The following XRN2 variants were observed in gnomAD, a reference collection of about 807,000 sequenced individuals.
XRN2 encodes the protein DHM1-like protein.
Under a neutral mutation model 138.5 loss-of-function variants are expected in XRN2, and 44 were observed. The ratio of observed to expected loss-of-function variants is 0.32; its 90% CI spans 0.25 to 0.41. XRN2 has a LOEUF of 0.41. Ranked by LOEUF, XRN2 falls within the 10% of genes least tolerant of loss-of-function variation. The pLI is 1.00. For synonymous variants in XRN2, 354 were observed against 369.4 expected, an observed-to-expected ratio of 0.96 and a Z score of 0.48; for missense variants, 937 against 1,169.3, an observed-to-expected ratio of 0.80 and a Z score of 2.90.
chr20:21,364,829 G>A (rs893341654), intron 24 of XRN2, among the ~76,000 whole-genome samples: 4 of 149,438 alleles, frequency 2.7e-5, no homozygotes, highest in East Asian at 2.0e-4. Flanking sequence ...AAGCATATTT[G>A]TGTAGTTTTC....
intron 4 of XRN2, among the ~76,000 whole-genome samples, chr20:21,329,499 T>G (rs1390798341): frequency 1.3e-5 from 2 of 152,208 alleles, no homozygotes; most frequent in Non-Finnish European, 2.9e-5. Context: ...TGCCATAGTA[T>G]AGCCAGCTCA....
chr20:21,377,008 A>G (rs907092320), intron 27 of XRN2, among the ~76,000 whole-genome samples: 2 of 151,682 alleles, frequency 1.3e-5, no homozygotes, highest in Admixed American at 6.5e-5. Flanking sequence ...ATGGATTTCG[A>G]TTGCTCTTGG....
chr20:21,358,950 C>T (rs6137327), intron 24 of XRN2, among the ~76,000 whole-genome samples: 59 of 152,278 alleles, frequency 3.9e-4, no homozygotes, highest in African/African-American at 1.3e-3. Flanking sequence ...AAAGCATTGG[C>T]GCTTCAGGCC....
chr20:21,334,245 C>A, intron 13 of XRN2, 60 bp downstream of exon 13: 2 of 1,345,738 alleles, frequency 1.5e-6, no homozygotes, highest in Non-Finnish European at 2.1e-6. Flanking sequence ...CTATGATGAT[C>A]CTGTGATTAC....
At chr20:21,338,895 A>C in intron 13 of XRN2, 149 bp from the exon 14 acceptor site, 1 of 661,176 alleles carries the variant, frequency 1.5e-6, no homozygotes. Flanking sequence ...TTTTGAACAT[A>C]TAGTCTTATT....
chr20:21,328,635 A>C lies in XRN2; in HGVS notation c.392A>C (p.Glu131Ala). 1 of 1,614,124 alleles carries C rather than the reference A, an allele frequency of 6.2e-7. No homozygotes were observed. The highest frequency in any genetic ancestry group is 8.5e-7 in the Non-Finnish European group (1 of 1,180,006). ...AAAGAAGGAATGGAAGCAGCAGTCG[A>C]GAAGCAGCGAGTCAGGGAAGAAATA... ...ASKEGMEAAV[E>A]KQRVREEILA... The change falls in exon 4 of 30, where the codon GAG becomes GCG. Residue 131 changes from glutamate (E) to alanine (A), a missense_variant. By Grantham distance (107) the Glu-to-Ala change is moderately radical. This residue lies in a region of XRN2 where 471 missense variants were observed against 581.2 expected (regional missense o/e 0.81). Transcript: ENST00000377191.
intron 24 of XRN2, among the ~76,000 whole-genome samples, chr20:21,358,643 C>T (rs1208698585): frequency 6.6e-6 from 1 of 151,850 alleles, no homozygotes; most frequent in Non-Finnish European, 1.5e-5. Flanking sequence ...ATGTTTATTT[C>T]CTATCTTAAA....
chr20:21,321,743 C>T (rs2038049394), intron 1 of XRN2, among the ~76,000 whole-genome samples: 1 of 152,154 alleles, frequency 6.6e-6, no homozygotes, highest in South Asian at 2.1e-4. Flanking sequence ...TGTTTGCCCT[C>T]AGGATCATTT....
chr20:21,305,004 T>A (rs922338885), intron 1 of XRN2, among the ~76,000 whole-genome samples: 1 of 152,240 alleles, frequency 6.6e-6, no homozygotes, highest in Admixed American at 6.5e-5. Flanking sequence ...GCTGCTTTTG[T>A]CTTTTTCCCT....
At chr20:21,316,542 CTG>C (rs1199714217) in intron 1 of XRN2, among the ~76,000 whole-genome samples, 1 of 152,160 alleles carries the variant, frequency 6.6e-6, no homozygotes, top group Non-Finnish European at 1.5e-5. Context: ...TTGTTGAAGA[CTG>C]TTCTTTTCCC....
intron 14 of XRN2, among the ~76,000 whole-genome samples, 197 bp from the exon 15 acceptor site, chr20:21,340,524 A>G (rs554154118): frequency 7.2e-5 from 11 of 152,342 alleles, no homozygotes; most frequent in Non-Finnish European, 1.3e-4. Flanking sequence ...ATTATAGGCT[A>G]TTGTTTAGAA....
chr20:21,330,800 C>G (rs2038197678), intron 6 of XRN2, 95 bp downstream of exon 6: 1 of 1,157,952 alleles, frequency 8.6e-7, no homozygotes, highest in Non-Finnish European at 1.2e-6. Context: ...CTGCCCTGCC[C>G]CATAAAATGC....
chr20:21,344,042 A>ACCTTCAT (rs769775899), intron 15 of XRN2, 48 bp from the exon 16 acceptor site: 5 of 1,430,946 alleles, frequency 3.5e-6, no homozygotes, highest in Non-Finnish European at 4.9e-6. Context: ...CTTCTTATGT[A>ACCTTCAT]AAATGAATAA....
At chr20:21,345,920 A>G (rs1031447911) in intron 16 of XRN2, among the ~76,000 whole-genome samples, 1 of 141,846 alleles carries the variant, frequency 7.0e-6, no homozygotes, top group African/African-American at 2.5e-5. Context: ...CCTAATGTCT[A>G]GATTATTCTT....
chr20:21,320,857 C>T (rs1441309648), intron 1 of XRN2, among the ~76,000 whole-genome samples: 5 of 151,988 alleles, frequency 3.3e-5, no homozygotes, highest in Admixed American at 6.6e-5. Context: ...TAGTTTCTGA[C>T]GTCAGTGTTT....
intron 14 of XRN2, among the ~76,000 whole-genome samples, chr20:21,339,619 A>ATAC (rs2038345405): frequency 6.6e-6 from 1 of 152,168 alleles, no homozygotes; most frequent in South Asian, 2.1e-4. Flanking sequence ...CTGCTGATTA[A>ATAC]GAGTGTTGCC....
chr20:21,380,183 A>G (rs1409953898), intron 27 of XRN2, among the ~76,000 whole-genome samples: 1 of 152,090 alleles, frequency 6.6e-6, no homozygotes, highest in East Asian at 1.9e-4. Context: ...CCGGATGAAT[A>G]TTTGCTGTAT....
intron 27 of XRN2, among the ~76,000 whole-genome samples, chr20:21,373,216 G>T (rs1388617160): frequency 3.9e-5 from 6 of 152,074 alleles, no homozygotes; most frequent in African/African-American, 1.4e-4. Flanking sequence ...CACCATGTTG[G>T]CCAGGCTGGT....
chr20:21,353,223 G>GAGATAT (rs2038532764), intron 20 of XRN2, among the ~76,000 whole-genome samples: 1 of 113,856 alleles, frequency 8.8e-6, no homozygotes, highest in African/African-American at 3.6e-5. Flanking sequence ...TAGTGGGTAG[G>GAGATAT]ATATATATAT....
Sources: allele counts gnomAD v4.1 joint callset (sites outside exome capture counted in the v4.1 genomes callset), GRCh38; gene constraint gnomAD v4.1.1; regional missense constraint gnomAD v4.1.1; transcripts MANE v1.5; gene names NCBI Gene and HGNC (gene_info 2026-07-23, HGNC 2026-07-21).